Variants in EPHA5 observed in about 807,000 individuals in gnomAD.
EPHA5 encodes the protein ephrin type-A receptor 5.
A neutral mutation model predicts 105.0 loss-of-function variants in EPHA5; 60 were observed. The observed-to-expected ratio is 0.57, with a 90% CI of 0.46 to 0.71. The LOEUF (loss-of-function observed/expected upper bound fraction) is 0.71. EPHA5 is among the 30% of genes least tolerant of loss of function. The pLI, the probability that EPHA5 is intolerant of heterozygous loss-of-function variation, is 0.00. For missense variants in EPHA5, 1,218 were observed against 1,274.7 expected, an observed-to-expected ratio of 0.96 and a Z score of 0.68; for synonymous variants, 513 against 449.1, an observed-to-expected ratio of 1.14 and a Z score of -1.80.
chr4:65,525,745 G>A (rs1735168807), intron 3 of EPHA5, among the ~76,000 whole-genome samples: 1 of 151,952 alleles, frequency 6.6e-6, no homozygotes, highest in African/African-American at 2.4e-5. Flanking sequence ...AACCATGAAT[G>A]TACAGATCTA....
intron 2 of EPHA5, 127 bp from the exon 3 acceptor site, chr4:65,602,431 T>A: frequency 1.5e-6 from 1 of 676,614 alleles, no homozygotes; most frequent in Non-Finnish European, 2.3e-6. Context: ...TATGTGATAT[T>A]TACAGAAGGA....
intron 2 of EPHA5, among the ~76,000 whole-genome samples, chr4:65,604,021 T>G (rs1743984174): frequency 1.3e-4 from 1 of 7,750 alleles, no homozygotes; most frequent in Non-Finnish European, 5.5e-4. Flanking sequence ...TAAGATTAAA[T>G]ATATATTTTT....
chr4:65,468,938 T>C lies in EPHA5; in HGVS notation c.1402+21439A>G, dbSNP rs201884463. Among the ~76,000 whole-genome samples the C allele has an allele frequency of 1.6e-4, 24 of 152,064 alleles. No individual in the cohort carries two copies. The East Asian group carries it at 4.1e-3, about 26-fold the overall frequency. On this transcript the variant is annotated intron_variant, in intron 5 of 16. Transcript: ENST00000613740. ...GATTGACTCTACATCTGGGGCCCTGTGGAGTTCCATGGGGAAGTCTGTGGG... is the reference window on the plus strand; with the variant it reads ...GATTGACTCTACATCTGGGGCCCTGCGGAGTTCCATGGGGAAGTCTGTGGG...
intron 5 of EPHA5, among the ~76,000 whole-genome samples, chr4:65,433,864 C>T (rs988703007): frequency 6.6e-6 from 1 of 152,010 alleles, no homozygotes; most frequent in Non-Finnish European, 1.5e-5. Context: ...GCCAACATGG[C>T]GAAACCCCGT....
intron 3 of EPHA5, among the ~76,000 whole-genome samples, chr4:65,549,129 C>T (rs1737653557): frequency 6.6e-6 from 1 of 152,004 alleles, no homozygotes; most frequent in Non-Finnish European, 1.5e-5. Context: ...ATGCAAACAT[C>T]AGGAAGAGAA....
intron 5 of EPHA5, among the ~76,000 whole-genome samples, chr4:65,456,050 T>A (rs1727551417): frequency 6.6e-6 from 1 of 152,204 alleles, no homozygotes; most frequent in Non-Finnish European, 1.5e-5. Context: ...TCTACTTAAA[T>A]GGACAGTAGA....
intron 3 of EPHA5, among the ~76,000 whole-genome samples, chr4:65,520,027 C>A (rs1156673772): frequency 2.0e-5 from 3 of 152,128 alleles, no homozygotes; most frequent in Non-Finnish European, 4.4e-5. Context: ...GAAAAAACTA[C>A]TTTAAAGTTC....
chr4:65,541,874 A>T (rs1736871333), intron 3 of EPHA5, among the ~76,000 whole-genome samples: 1 of 152,050 alleles, frequency 6.6e-6, no homozygotes, highest in Non-Finnish European at 1.5e-5. Context: ...AAAAGAACTG[A>T]AATCGTAACA....
chr4:65,371,016 C>A (rs564572963), intron 8 of EPHA5, among the ~76,000 whole-genome samples: 61 of 152,178 alleles, frequency 4.0e-4, no homozygotes, highest in African/African-American at 1.4e-3. Flanking sequence ...TAATTTTAAC[C>A]AATCAGAAAA....
At chr4:65,581,395 T>C (rs1741611926) in intron 3 of EPHA5, among the ~76,000 whole-genome samples, 1 of 151,670 alleles carries the variant, frequency 6.6e-6, no homozygotes, top group African/African-American at 2.4e-5. Context: ...GATTAGAGGG[T>C]AAATTATTTT....
At chr4:65,346,145 T>G (rs1013867545) in intron 14 of EPHA5, among the ~76,000 whole-genome samples, 15 of 151,874 alleles carry the variant, frequency 9.9e-5, no homozygotes, top group Non-Finnish European at 1.9e-4. Context: ...TTTCATACAT[T>G]TATTGGCCAT....
At chr4:65,342,027 A>G (rs1300015230) in intron 14 of EPHA5, among the ~76,000 whole-genome samples, 1 of 152,138 alleles carries the variant, frequency 6.6e-6, no homozygotes, top group Non-Finnish European at 1.5e-5. Flanking sequence ...TAGTGCATCA[A>G]TCTTAGATCA....
intron 5 of EPHA5, among the ~76,000 whole-genome samples, chr4:65,429,613 C>T (rs563921859): frequency 1.3e-5 from 2 of 152,126 alleles, no homozygotes; most frequent in African/African-American, 4.8e-5. Context: ...TCCTTTCTCA[C>T]TTCTCATTGG....
intron 5 of EPHA5, among the ~76,000 whole-genome samples, chr4:65,429,972 G>C (rs969317755): frequency 5.3e-5 from 8 of 151,960 alleles, no homozygotes; most frequent in African/African-American, 1.9e-4. Flanking sequence ...CCTGGAACTA[G>C]AGAAAATACA....
chr4:65,556,344 C>G (rs1312506171), intron 3 of EPHA5, among the ~76,000 whole-genome samples: 2 of 152,108 alleles, frequency 1.3e-5, no homozygotes, highest in East Asian at 3.9e-4. Context: ...TAGTGGAAGT[C>G]CAGCCACACG....
chr4:65,602,136 T>C lies in EPHA5; in HGVS notation c.415A>G (p.Ser139Gly), dbSNP rs1341576918. 6.2e-7 allele frequency: 1 copy of C among 1,614,140 alleles called. No homozygotes were observed. Among genetic ancestry groups the C allele is most frequent in the Non-Finnish European group, 8.5e-7 (1 of 1,180,008 alleles). ...CAGGTCCCCAGTCCTCCAGGAAGGC[T>C]GTTGCAGTCCCGCAGGGTAAATTTG... ...ELKFTLRDCN[S>G]LPGGLGTCKE... Residue 139 changes from serine to glycine, a missense_variant, in exon 3 of 17, where the codon AGC becomes GGC. Coordinates refer to ENST00000613740, the MANE Select transcript of EPHA5 (RefSeq NM_001281766.3).
chr4:65,670,161 G>T lies in EPHA5; in HGVS notation c.-419C>A, dbSNP rs1750337480. ...AGGTAAGGAAGGCAAATCATTTTAA[G>T]ACGAAATCTCCGATTTTTTAAAAAA... On this transcript the variant is annotated 5_prime_UTR_variant, in exon 1 of 17. Coordinates refer to ENST00000613740, the MANE Select transcript of EPHA5 (RefSeq NM_001281766.3). 7.9e-6 allele frequency: 2 copies of T among 252,648 alleles called. No individual in the cohort carries two copies. The highest frequency in any genetic ancestry group is 1.5e-5 in the Non-Finnish European group (2 of 132,240). 15.7% of individuals were successfully genotyped at this position (252,648 alleles called of 1,614,324 possible).
chr4:65,404,376 T>G lies in EPHA5; in HGVS notation c.1791A>C (p.Gly597=). 1 of 1,612,258 alleles carries G rather than the reference T, an allele frequency of 6.2e-7. No homozygotes were observed. Among genetic ancestry groups the G allele is most frequent in the Non-Finnish European group, 8.5e-7 (1 of 1,178,584 alleles). The change falls in exon 8 of 17, where the codon GGA becomes GGC. Residue 597 remains glycine, a splice_region_variant and synonymous_variant. Transcript: ENST00000613740. ...AGAATCACAGCTTCCTCTCTTACCTTCCACTGAGGAGGACGCCGATAACCA... is the reference window on the plus strand; with the variant it reads ...AGAATCACAGCTTCCTCTCTTACCTGCCACTGAGGAGGACGCCGATAACCA... ...LAVVIGVLLS[G]RRCGYSKAKQ...
In EPHA5 at chr4:65,601,531, C is replaced by A. The variant is rs867690638; in HGVS notation, c.910+110G>T. 1.7e-5 allele frequency: 18 copies of A among 1,088,368 alleles called. No homozygotes were observed. The Middle Eastern group carries it at 3.1e-3, about 190-fold the overall frequency. The allele number at this position is 1,088,368 out of a possible 1,614,324, so 67.4% of individuals were successfully genotyped here. A position where few individuals can be genotyped will look rare whatever the true frequency, so the allele number is the denominator to read the frequency against. ...AAATAAAACTTGAGAGAAATAATCT[C>A]CATAAATTAGCAAAGTAAAAGGTCA... On this transcript the variant is annotated intron_variant, in intron 3 of 16. Coordinates refer to ENST00000613740, the MANE Select transcript of EPHA5 (RefSeq NM_001281766.3).
Sources: allele counts gnomAD v4.1 joint callset (sites outside exome capture counted in the v4.1 genomes callset), GRCh38; gene constraint gnomAD v4.1.1; transcripts MANE v1.5; gene names NCBI Gene and HGNC (gene_info 2026-07-23, HGNC 2026-07-21).